Variants in TLL2 observed in about 807,000 individuals in gnomAD.
TLL2 encodes the protein tolloid like 2, also known as tolloid-like protein 2.
A neutral mutation model predicts 123.0 loss-of-function variants in TLL2; 106 were observed. The ratio of observed to expected loss-of-function variants is 0.86; its 90% CI spans 0.74 to 1.01. The LOEUF is 1.01. Among genes scored for constraint, TLL2 ranks in the 50% least tolerant of loss-of-function variants. The pLI is 0.00. For synonymous variants in TLL2, 494 were observed against 516.8 expected (o/e 0.96, Z 0.60); for missense variants, 1,332 against 1,336.7 (o/e 1.00, Z 0.06).
chr10:96,495,570 G>A (rs1194671700), intron 1 of TLL2, among the ~76,000 whole-genome samples: 1 of 152,108 alleles, frequency 6.6e-6, no homozygotes, highest in African/African-American at 2.4e-5. Context: ...TGTTAATGGG[G>A]TCTACAGCTC....
intron 1 of TLL2, among the ~76,000 whole-genome samples, chr10:96,482,190 G>A (rs949949858): frequency 4.6e-5 from 7 of 151,920 alleles, no homozygotes; most frequent in Admixed American, 3.3e-4. Flanking sequence ...CCCGGGCGGC[G>A]GAGCTTGCAG....
chr10:96,378,000 A>G (rs1846152918), intron 17 of TLL2, among the ~76,000 whole-genome samples: 1 of 152,204 alleles, frequency 6.6e-6, no homozygotes, highest in African/African-American at 2.4e-5. Context: ...GGCCCATCTC[A>G]CAGGGGCTTG....
At chr10:96,386,244 A>G in intron 14 of TLL2, 29 bp from the exon 15 acceptor site, 1 of 1,529,684 alleles carries the variant, frequency 6.5e-7, no homozygotes, top group Non-Finnish European at 8.8e-7. Context: ...AACAGGATTC[A>G]TTTGGCTTTG....
Position 96,507,758 on chromosome 10 carries a change from T to C in TLL2, c.175+5753A>G, listed in dbSNP as rs145027653. ...CTAGGTGGCAGATTTGGAATCTAGG[T>C]CTGGCCTGCATCAGAGCCTGTGCTC... is the stretch of plus-strand genomic sequence containing the variant. On this transcript the variant is annotated intron_variant, in intron 1 of 20. Coordinates refer to ENST00000357947, the MANE Select transcript of TLL2 (RefSeq NM_012465.4). 2.8e-3 allele frequency among the ~76,000 whole-genome samples: 424 copies of C among 152,330 alleles called. 3 individuals carry two copies. Among genetic ancestry groups the C allele is most frequent in the African/African-American group, 1.0e-2 (414 of 41,572 alleles).
intron 6 of TLL2, among the ~76,000 whole-genome samples, chr10:96,422,249 CAG>C (rs1846632361): frequency 1.4e-5 from 2 of 147,538 alleles, no homozygotes; most frequent in Admixed American, 6.9e-5. Flanking sequence ...GATGCTGTAA[CAG>C]TGTTCTGGTC....
intron 10 of TLL2, 147 bp from the exon 11 acceptor site, chr10:96,397,449 G>T: frequency 1.8e-6 from 1 of 545,958 alleles, no homozygotes. Flanking sequence ...AGCACACACA[G>T]GATCAAAAGA....
At chr10:96,378,796 G>C (rs1846159708) in intron 17 of TLL2, among the ~76,000 whole-genome samples, 171 bp downstream of exon 17, 1 of 152,194 alleles carries the variant, frequency 6.6e-6, no homozygotes, top group South Asian at 2.1e-4. Context: ...CCTCCTGAAG[G>C]AGCGAGATGC....
chr10:96,486,933 G>T (rs549822450), intron 1 of TLL2, among the ~76,000 whole-genome samples: 149 of 152,356 alleles, frequency 9.8e-4, no homozygotes, highest in Non-Finnish European at 1.6e-3. Context: ...GTGCTCAGGC[G>T]TCCTCCTGAC....
intron 13 of TLL2, among the ~76,000 whole-genome samples, chr10:96,393,660 A>G (rs931737656): frequency 1.3e-5 from 2 of 152,002 alleles, no homozygotes; most frequent in Non-Finnish European, 2.9e-5. Flanking sequence ...TAAGGCTGTC[A>G]TATCTTCCCT....
intron 19 of TLL2, among the ~76,000 whole-genome samples, chr10:96,372,468 C>G (rs2134050650): frequency 6.6e-6 from 1 of 152,214 alleles, no homozygotes; most frequent in Non-Finnish European, 1.5e-5. Context: ...GGCACTAGTC[C>G]CAGGTGGCAA....
chr10:96,415,393 T>C (rs975057950), intron 7 of TLL2, among the ~76,000 whole-genome samples: 2 of 152,086 alleles, frequency 1.3e-5, no homozygotes. Flanking sequence ...CCCAAGCCTT[T>C]TCTACTCCTC....
At chr10:96,394,655 T>A (rs913571830) in intron 13 of TLL2, among the ~76,000 whole-genome samples, 2 of 152,184 alleles carry the variant, frequency 1.3e-5, no homozygotes, top group African/African-American at 4.8e-5. Flanking sequence ...CTGGCCCACA[T>A]CAAGGAATAG....
chr10:96,447,149 C>G (rs923538421), intron 2 of TLL2, among the ~76,000 whole-genome samples: 32 of 151,948 alleles, frequency 2.1e-4, no homozygotes, highest in African/African-American at 7.7e-4. Context: ...GCCAGAGGAT[C>G]CTCCGCAGGG....
At chr10:96,423,771 A>T (rs943062727) in intron 5 of TLL2, among the ~76,000 whole-genome samples, 2 of 152,244 alleles carry the variant, frequency 1.3e-5, no homozygotes, top group African/African-American at 2.4e-5. Flanking sequence ...CACTAGTAAG[A>T]TATTAAAAGC....
At chr10:96,504,533 C>A (rs141803752) in intron 1 of TLL2, among the ~76,000 whole-genome samples, 1 of 152,216 alleles carries the variant, frequency 6.6e-6, no homozygotes, top group African/African-American at 2.4e-5. Context: ...TCACTTGAAC[C>A]CAGGAGGCAG....
rs577947100 is a variant in TLL2 at position 96,485,910 on chromosome 10, T to TATGGCA, written c.176-5457_176-5452dup. Among the ~76,000 whole-genome samples, 20 of 152,244 alleles carry TATGGCA rather than the reference T, an allele frequency of 1.3e-4. No homozygotes were observed. In the East Asian group the frequency reaches 3.9e-3, roughly 29 times the overall value. ...CAAAGAAAAAGTGTCCGATGTCAATTATGGCAATGGCAATGGCAGGCAATC... is the reference window on the plus strand; with the variant it reads ...CAAAGAAAAAGTGTCCGATGTCAATTATGGCAATGGCAATGGCAATGGCAGGCAATC... On this transcript the variant is annotated intron_variant, in intron 1 of 20. Coordinates refer to ENST00000357947, the MANE Select transcript of TLL2 (RefSeq NM_012465.4).
chr10:96,512,665 C>A (rs1488390152), intron 1 of TLL2, among the ~76,000 whole-genome samples: 1 of 152,280 alleles, frequency 6.6e-6, no homozygotes, highest in Non-Finnish European at 1.5e-5. Context: ...GGAGCGTGAG[C>A]GTGAGCACCC....
chr10:96,427,967 T>C (rs191613414), intron 5 of TLL2, among the ~76,000 whole-genome samples: 16 of 149,306 alleles, frequency 1.1e-4, no homozygotes, highest in Non-Finnish European at 2.4e-4. Context: ...GCTAATTTTG[T>C]ATTTTTAGTA....
chr10:96,385,830 G>A (rs957885585), intron 15 of TLL2, among the ~76,000 whole-genome samples: 1 of 152,164 alleles, frequency 6.6e-6, no homozygotes. Context: ...GATTCTCCTT[G>A]GATGTATCAG....
Sources: gnomAD v4.1 joint callset for allele counts (sites outside exome capture counted in the v4.1 genomes callset) on GRCh38, gnomAD v4.1.1 for gene constraint, MANE v1.5 for transcripts, NCBI Gene and HGNC (gene_info 2026-07-23, HGNC 2026-07-21) for gene names.